RNLS: variants seen among roughly 807,000 people sequenced by gnomAD.
RNLS encodes the protein renalase, FAD dependent amine oxidase.
Under a neutral mutation model 39.8 loss-of-function variants are expected in RNLS, and 39 were observed. That is an observed-to-expected ratio of 0.98 (90% CI 0.76 to 1.28). The LOEUF is 1.28. Ranked by LOEUF, RNLS falls within the 50% of genes most tolerant of loss-of-function variation. RNLS has a pLI of 0.00. For missense variants in RNLS, 410 were observed against 413.3 expected (o/e 0.99, Z 0.07); for synonymous variants, 147 against 150.7 (o/e 0.98, Z 0.18).
At chr10:88,498,147 A>G (rs963840563) in intron 4 of RNLS, among the ~76,000 whole-genome samples, 4 of 152,024 alleles carry the variant, frequency 2.6e-5, no homozygotes, top group Admixed American at 2.6e-4. Flanking sequence ...AAATCTGACA[A>G]ACCACCTAGA....
At chr10:88,244,156 G>T in the RNLS span, among the ~76,000 whole-genome samples, 28 of 152,128 alleles carry the variant, frequency 1.8e-4, no homozygotes, top group Admixed American at 1.3e-4. Flanking sequence ...CCCAATCCGG[G>T]GTCTGCATGC....
chr10:88,400,237 G>A (rs1439871046), intron 4 of RNLS, among the ~76,000 whole-genome samples: 1 of 151,962 alleles, frequency 6.6e-6, no homozygotes, highest in Non-Finnish European at 1.5e-5. Flanking sequence ...TTATTAACCT[G>A]TGGGGTTTCA....
the RNLS span, among the ~76,000 whole-genome samples, chr10:88,228,105 T>C: frequency 3.3e-5 from 5 of 152,300 alleles, 1 homozygote; most frequent in Admixed American, 3.3e-4. Context: ...TTCAGGTTAT[T>C]CCTCTCTTTC....
chr10:88,188,604 A>C, the RNLS span, among the ~76,000 whole-genome samples: 1 of 152,234 alleles, frequency 6.6e-6, no homozygotes, highest in African/African-American at 2.4e-5. Context: ...TAGACAATGC[A>C]ACCAGTGGCT....
chr10:88,263,978 C>T, the RNLS span, among the ~76,000 whole-genome samples: 1 of 152,206 alleles, frequency 6.6e-6, no homozygotes, highest in East Asian at 1.9e-4. Flanking sequence ...CACCTCCCAC[C>T]CTTTCTCCCA....
At chr10:88,524,549 A>T (rs892987326) in intron 4 of RNLS, among the ~76,000 whole-genome samples, 16 of 152,140 alleles carry the variant, frequency 1.1e-4, no homozygotes, top group Non-Finnish European at 2.2e-4. Flanking sequence ...GCAATTGTAA[A>T]ATAATCCTAT....
At position 88,582,298 on chromosome 10, in the gene RNLS, A is replaced by ATTCT. The variant is rs1263037475; in HGVS notation, c.124_127dup (p.Met43LysfsTer10). 6 of 1,612,842 alleles carry ATTCT rather than the reference A, an allele frequency of 3.7e-6. No homozygotes were observed. Among genetic ancestry groups the ATTCT allele is most frequent in the Non-Finnish European group, 4.2e-6 (5 of 1,179,442 alleles). On this transcript the variant is annotated frameshift_variant, in exon 2 of 7. Coordinates refer to ENST00000331772, the MANE Select transcript of RNLS (RefSeq NM_001031709.3). LOFTEE classifies it high-confidence loss of function. Reference sequence around the variant, plus strand: ...ATTATGAGGACTGCAGGCTGTAGTCATTCTTCCCCCTTGAATTAATCCACA... The same window carrying ATTCT: ...ATTATGAGGACTGCAGGCTGTAGTCATTCTTTCTTCCCCCTTGAATTAATCCACA...
chr10:88,375,696 A>G (rs939154662), intron 4 of RNLS, among the ~76,000 whole-genome samples: 5 of 152,166 alleles, frequency 3.3e-5, no homozygotes, highest in Middle Eastern at 3.2e-3. Context: ...CTTTTGCACA[A>G]AGATTTAGGA....
At chr10:88,193,882 C>T in the RNLS span, among the ~76,000 whole-genome samples, 1 of 152,188 alleles carries the variant, frequency 6.6e-6, no homozygotes, top group Non-Finnish European at 1.5e-5. Flanking sequence ...TGACCCACTA[C>T]AATGTGGTTT....
At chr10:88,343,831 G>C in intron 5 of RNLS, 1 of 984,940 alleles carries the variant, frequency 1.0e-6, no homozygotes, top group Non-Finnish European at 1.2e-6. Flanking sequence ...AAAACGAAAG[G>C]GTTTCAATAG....
intron 4 of RNLS, among the ~76,000 whole-genome samples, chr10:88,548,822 T>C (rs1403777719): frequency 6.6e-6 from 1 of 151,652 alleles, no homozygotes; most frequent in Admixed American, 6.6e-5. Flanking sequence ...AATAAATCTG[T>C]ATCTTGCAAA....
At chr10:88,538,593 CT>C (rs1399701338) in intron 4 of RNLS, among the ~76,000 whole-genome samples, 2 of 152,012 alleles carry the variant, frequency 1.3e-5, no homozygotes, top group African/African-American at 4.8e-5. Context: ...TTTTATTTTT[CT>C]TTTCTTAGTA....
the RNLS span, among the ~76,000 whole-genome samples, chr10:88,190,606 C>A: frequency 9.2e-5 from 14 of 152,124 alleles, no homozygotes; most frequent in Admixed American, 9.2e-4. Context: ...GCTCTTTATT[C>A]TTTTACAGCA....
At chr10:88,529,404 A>T (rs1847290251) in intron 4 of RNLS, among the ~76,000 whole-genome samples, 1 of 152,156 alleles carries the variant, frequency 6.6e-6, no homozygotes, top group Non-Finnish European at 1.5e-5. Flanking sequence ...ACATTCTTCC[A>T]ACATGCTATA....
the RNLS span, among the ~76,000 whole-genome samples, chr10:88,261,224 C>T: frequency 6.6e-6 from 1 of 152,182 alleles, no homozygotes; most frequent in Non-Finnish European, 1.5e-5. Flanking sequence ...CAAGCTTTAA[C>T]ATCTGCTGAG....
chr10:88,252,989 C>A, the RNLS span, among the ~76,000 whole-genome samples: 1 of 152,134 alleles, frequency 6.6e-6, no homozygotes, highest in South Asian at 2.1e-4. Flanking sequence ...GCTCTGACAC[C>A]AGAACTCAGG....
chr10:88,316,877 G>C (rs1441600486), intron 5 of RNLS, among the ~76,000 whole-genome samples: 1 of 152,116 alleles, frequency 6.6e-6, no homozygotes, highest in Non-Finnish European at 1.5e-5. Context: ...TTGGGGAAAA[G>C]CTCCCCCAAC....
intron 3 of RNLS, among the ~76,000 whole-genome samples, chr10:88,574,552 T>C (rs2576161): frequency 0.37 from 56,886 of 151,762 alleles, 10,758 homozygotes; most frequent in East Asian, 0.54. Flanking sequence ...GGCTCCTTCA[T>C]GTCGGGTCTT....
chr10:88,395,228 T>A, intron 4 of RNLS, among the ~76,000 whole-genome samples: 3 of 104,216 alleles, frequency 2.9e-5, no homozygotes, highest in Admixed American at 1.1e-4. Context: ...TCAAGAACTT[T>A]AAAAGATGAA....
Sources: gnomAD v4.1 joint callset for allele counts (sites outside exome capture counted in the v4.1 genomes callset) on GRCh38, gnomAD v4.1.1 for gene constraint, MANE v1.5 for transcripts, NCBI Gene and HGNC (gene_info 2026-07-23, HGNC 2026-07-21) for gene names.